The following DENND4C variants were observed in gnomAD, a reference collection of about 807,000 sequenced individuals.
DENND4C encodes DENN domain-containing protein 4C.
In DENND4C, 108 loss-of-function variants were observed where a neutral mutation model predicts 203.0. That is an observed-to-expected ratio of 0.53 (90% CI 0.46 to 0.62). The LOEUF (loss-of-function observed/expected upper bound fraction) is 0.62. Ranked by LOEUF, DENND4C falls within the 20% of genes least tolerant of loss-of-function variation. The pLI is 0.00. For synonymous variants in DENND4C, 871 were observed against 792.4 expected (o/e 1.10, Z -1.67); for missense variants, 2,481 against 2,301.2 (o/e 1.08, Z -1.60).
At chr9:19,260,522 C>G (rs555019207) in intron 1 of DENND4C, among the ~76,000 whole-genome samples, 3 of 151,988 alleles carry the variant, frequency 2.0e-5, no homozygotes, top group Non-Finnish European at 4.4e-5. Context: ...CTCAGCCTCC[C>G]GAGTAGCTGG....
At chr9:19,252,108 G>A (rs1432599360) in intron 1 of DENND4C, among the ~76,000 whole-genome samples, 1 of 152,202 alleles carries the variant, frequency 6.6e-6, no homozygotes, top group East Asian at 1.9e-4. Flanking sequence ...AAGGAAAGGG[G>A]TTTATTGGAC....
At chr9:19,265,759 C>T (rs1008501279) in intron 1 of DENND4C, among the ~76,000 whole-genome samples, 2 of 152,204 alleles carry the variant, frequency 1.3e-5, no homozygotes, top group African/African-American at 4.8e-5. Flanking sequence ...CAGCTTCATC[C>T]ATGTCACTAC....
intron 1 of DENND4C, among the ~76,000 whole-genome samples, chr9:19,259,565 C>T (rs980018203): frequency 4.2e-5 from 6 of 143,826 alleles, no homozygotes; most frequent in Non-Finnish European, 9.0e-5. Context: ...AGTGCAGTGG[C>T]GCGATCTTGG....
chr9:19,268,491 A>G (rs1268344598), intron 1 of DENND4C, among the ~76,000 whole-genome samples: 1 of 152,152 alleles, frequency 6.6e-6, no homozygotes, highest in African/African-American at 2.4e-5. Context: ...AATATTCTCT[A>G]TATGTTTGTC....
intron 10 of DENND4C, among the ~76,000 whole-genome samples, chr9:19,315,171 A>AAC (rs10670439): frequency 6.7e-6 from 1 of 148,714 alleles, no homozygotes; most frequent in Non-Finnish European, 1.5e-5. Flanking sequence ...AAAAAAAAAA[A>AAC]AGAAAAGAAA....
At chr9:19,363,914 T>C (rs1827057372) in intron 30 of DENND4C, among the ~76,000 whole-genome samples, 1 of 152,000 alleles carries the variant, frequency 6.6e-6, no homozygotes, top group South Asian at 2.1e-4. Flanking sequence ...CTCAGGAGGC[T>C]GAGGCAGGAG....
intron 9 of DENND4C, among the ~76,000 whole-genome samples, chr9:19,301,642 A>C (rs1838600860): frequency 6.6e-6 from 1 of 152,196 alleles, no homozygotes; most frequent in Admixed American, 6.5e-5. Flanking sequence ...CAGTTCTAGA[A>C]AGTTCCCACC....
At chr9:19,369,541 C>T (rs1828354582) in intron 30 of DENND4C, among the ~76,000 whole-genome samples, 1 of 151,258 alleles carries the variant, frequency 6.6e-6, no homozygotes, top group Admixed American at 6.6e-5. Flanking sequence ...CTTTGGGAGG[C>T]AGATTGCTTG....
At chr9:19,276,100 A>T in intron 1 of DENND4C, 58 bp from the exon 2 acceptor site, 1 of 878,408 alleles carries the variant, frequency 1.1e-6, no homozygotes, top group Non-Finnish European at 1.5e-6. Context: ...AGGATATATT[A>T]ATTTTTGTCA....
chr9:19,263,476 C>G (rs1228660226), intron 1 of DENND4C, among the ~76,000 whole-genome samples: 2 of 151,832 alleles, frequency 1.3e-5, no homozygotes, highest in Non-Finnish European at 2.9e-5. Flanking sequence ...CCTGCCTCAG[C>G]CTCCCAAGGA....
At chr9:19,244,874 C>A (rs1824753725) in intron 1 of DENND4C, among the ~76,000 whole-genome samples, 1 of 152,072 alleles carries the variant, frequency 6.6e-6, no homozygotes, top group African/African-American at 2.4e-5. Flanking sequence ...AGGGATAATG[C>A]TAGACCTCCC....
chr9:19,324,086 G>T (rs751647352), intron 12 of DENND4C, among the ~76,000 whole-genome samples: 52 of 152,078 alleles, frequency 3.4e-4, no homozygotes, highest in Non-Finnish European at 7.2e-4. Context: ...AAACATAAAT[G>T]AATTTCCTGT....
intron 1 of DENND4C, among the ~76,000 whole-genome samples, chr9:19,272,433 CAAAAACA>C (rs1588803530): frequency 6.6e-6 from 1 of 150,988 alleles, no homozygotes; most frequent in Non-Finnish European, 1.5e-5. Context: ...AAAACAAAAA[CAAAAACA>C]AAAAACAAAA....
chr9:19,244,521 A>G (rs920792369), intron 1 of DENND4C, among the ~76,000 whole-genome samples: 13 of 151,544 alleles, frequency 8.6e-5, no homozygotes, highest in African/African-American at 3.2e-4. Context: ...CGGGAGGAGC[A>G]TGAGGTCAAG....
At chr9:19,309,954 T>C (rs1053014377) in intron 10 of DENND4C, among the ~76,000 whole-genome samples, 3 of 152,174 alleles carry the variant, frequency 2.0e-5, no homozygotes, top group Admixed American at 6.5e-5. Context: ...TCATTGGTCT[T>C]TTCAGAATTT....
intron 1 of DENND4C, among the ~76,000 whole-genome samples, chr9:19,251,094 C>G (rs929125429): frequency 6.6e-6 from 1 of 152,260 alleles, no homozygotes. Context: ...CAGAGGTTCT[C>G]CATGAGGGCC....
At chr9:19,363,483 CAG>C (rs890396571) in intron 30 of DENND4C, among the ~76,000 whole-genome samples, 2 of 151,622 alleles carry the variant, frequency 1.3e-5, no homozygotes, top group African/African-American at 4.8e-5. Flanking sequence ...GCCTGGGCGA[CAG>C]AGTGAGACTC....
At chr9:19,231,474 G>A (rs1259051937) in intron 1 of DENND4C, among the ~76,000 whole-genome samples, 1 of 152,036 alleles carries the variant, frequency 6.6e-6, no homozygotes, top group Admixed American at 6.6e-5. Context: ...ACAAAACCAA[G>A]GAATGAAGTC....
chr9:19,367,852 T>C (rs1427856298), intron 30 of DENND4C, among the ~76,000 whole-genome samples: 1 of 152,240 alleles, frequency 6.6e-6, no homozygotes, highest in Admixed American at 6.5e-5. Flanking sequence ...ACAACACAGT[T>C]GAATCTTGAA....
Sources: gnomAD v4.1 joint callset for allele counts (sites outside exome capture counted in the v4.1 genomes callset) on GRCh38, gnomAD v4.1.1 for gene constraint, MANE v1.5 for transcripts, NCBI Gene and HGNC (gene_info 2026-07-23, HGNC 2026-07-21) for gene names.